The following LPIN1 variants were observed in gnomAD, a reference collection of about 807,000 sequenced individuals.
The protein encoded by LPIN1 is phosphatidate phosphatase LPIN1.
A neutral mutation model predicts 107.5 loss-of-function variants in LPIN1; 71 were observed. That is an observed-to-expected ratio of 0.66 (90% CI 0.55 to 0.80). The LOEUF (loss-of-function observed/expected upper bound fraction) is 0.80, where lower values mean the gene tolerates loss of function less well. Ranked by LOEUF, LPIN1 falls within the 30% of genes least tolerant of loss-of-function variation. LPIN1 has a pLI of 0.00. For missense variants in LPIN1, 1,043 were observed against 1,160.6 expected (o/e 0.90, Z 1.47); for synonymous variants, 445 against 452.6 (o/e 0.98, Z 0.21).
At chr2:11,689,734 T>A (rs1662179086) in intron 1 of LPIN1, among the ~76,000 whole-genome samples, 1 of 152,090 alleles carries the variant, frequency 6.6e-6, no homozygotes, top group South Asian at 2.1e-4. Flanking sequence ...CGAAACCCCA[T>A]CTCTACTAAA....
At position 11,767,776 on chromosome 2, in the gene LPIN1, T is replaced by G; in HGVS notation, c.206T>G (p.Ile69Ser). 6.2e-7 allele frequency: 1 copy of G among 1,609,732 alleles called. No homozygotes were observed. The highest frequency in any genetic ancestry group is 1.1e-5 in the South Asian group (1 of 90,998). Residue 69 changes from isoleucine (I) to serine (S), a missense_variant, in exon 3 of 21, where the codon ATC becomes AGC. Transcript: ENST00000674199. ...RSREKVVDIE[I>S]NGESVDLHMK... The stretch of plus-strand genomic sequence containing the variant: ...TTTTCCCTTCAGGTTGACATAGAAA[T>G]CAATGGGGAATCTGTGGATTTGCAT...
intron 9 of LPIN1, 145 bp from the exon 10 acceptor site, chr2:11,784,741 G>C (rs929553123): frequency 3.8e-6 from 3 of 791,816 alleles, no homozygotes; most frequent in Non-Finnish European, 6.8e-6. Flanking sequence ...TTTCCTTGTC[G>C]TGGTGCTTTA....
intron 1 of LPIN1, among the ~76,000 whole-genome samples, chr2:11,700,358 T>G (rs1247003489): frequency 1.3e-5 from 2 of 152,172 alleles, no homozygotes; most frequent in East Asian, 3.8e-4. Context: ...CCTTCTGGGG[T>G]GAGCTGTGTA....
At chr2:11,686,607 T>C (rs1226869584) in intron 1 of LPIN1, among the ~76,000 whole-genome samples, 3 of 152,042 alleles carry the variant, frequency 2.0e-5, no homozygotes, top group African/African-American at 4.8e-5. Context: ...TGGGTAGCCA[T>C]GGCCTGGGCA....
intron 14 of LPIN1, among the ~76,000 whole-genome samples, chr2:11,797,885 G>T (rs946055597): frequency 6.6e-6 from 1 of 152,196 alleles, no homozygotes; most frequent in Non-Finnish European, 1.5e-5. Flanking sequence ...GGGGCAGAAT[G>T]ATATGCTTTG....
chr2:11,678,577 G>A (rs75085202), intron 1 of LPIN1, among the ~76,000 whole-genome samples: 29,323 of 152,114 alleles, frequency 0.19, 3,074 homozygotes, highest in East Asian at 0.38. Context: ...ATCCTAGGGG[G>A]ATAGAGTGGC....
intron 12 of LPIN1, 117 bp from the exon 13 acceptor site, chr2:11,791,797 T>G (rs1558240980): frequency 6.6e-7 from 1 of 1,513,538 alleles, no homozygotes; most frequent in East Asian, 2.6e-5. Flanking sequence ...TATGTTGTGT[T>G]TTCTCTGATT....
At chr2:11,751,634 C>T (rs1311582017) in intron 1 of LPIN1, among the ~76,000 whole-genome samples, 1 of 152,154 alleles carries the variant, frequency 6.6e-6, no homozygotes. Flanking sequence ...GGGTGGATTA[C>T]GAGGTCAGGA....
At chr2:11,744,216 C>G (rs1214572491), upstream of LPIN1, among the ~76,000 whole-genome samples, 1 of 152,220 alleles carries the variant, frequency 6.6e-6, no homozygotes, top group Non-Finnish European at 1.5e-5. Flanking sequence ...CCGAGTGCAG[C>G]TAGGTCCTGG....
chr2:11,791,053 C>T (rs1293873347), intron 12 of LPIN1, among the ~76,000 whole-genome samples: 1 of 152,066 alleles, frequency 6.6e-6, no homozygotes, highest in African/African-American at 2.4e-5. Context: ...ACAGCTTTGT[C>T]AATTGTCCTA....
Position 11,824,981 on chromosome 2 carries a change from G to A in LPIN1, c.*190G>A. On this transcript the variant is annotated 3_prime_UTR_variant, in exon 21 of 21. Transcript: ENST00000674199. ...TGACATTTCTAAGCAAGATAGGAAG[G>A]GAGCACTTTCTAGGCTAGGAGTTGG... 1 of 646,492 alleles carries A rather than the reference G, an allele frequency of 1.5e-6. No homozygotes were observed. The highest frequency in any genetic ancestry group is 1.9e-5 in the South Asian group (1 of 52,404). The allele number at this position is 646,492 out of a possible 1,614,324, so 40.0% of individuals were successfully genotyped here. A position where few individuals can be genotyped will look rare whatever the true frequency, so the allele number is the denominator to read the frequency against.
chr2:11,764,006 T>C (rs1670306861), intron 1 of LPIN1, among the ~76,000 whole-genome samples: 1 of 146,814 alleles, frequency 6.8e-6, no homozygotes, highest in African/African-American at 2.5e-5. Flanking sequence ...TATATATATA[T>C]TTGGAGATAG....
chr2:11,698,328 A>G (rs1662691560), intron 1 of LPIN1, among the ~76,000 whole-genome samples: 2 of 152,188 alleles, frequency 1.3e-5, no homozygotes, highest in African/African-American at 4.8e-5. Context: ...CTTGAAGTCA[A>G]GGGGCTGTGT....
intron 1 of LPIN1, among the ~76,000 whole-genome samples, chr2:11,761,732 G>A (rs1012906140): frequency 8.5e-5 from 13 of 152,144 alleles, no homozygotes; most frequent in African/African-American, 3.1e-4. Flanking sequence ...ATTTCATAGG[G>A]GTTGAGGTAA....
At chr2:11,792,793 G>A (rs1676004275) in intron 13 of LPIN1, among the ~76,000 whole-genome samples, 2 of 152,176 alleles carry the variant, frequency 1.3e-5, no homozygotes, top group African/African-American at 2.4e-5. Context: ...ATGTCTATGA[G>A]TGCCTGTGAT....
intron 1 of LPIN1, among the ~76,000 whole-genome samples, chr2:11,728,708 G>GTT (rs61415061): frequency 6.6e-6 from 1 of 151,488 alleles, no homozygotes; most frequent in African/African-American, 2.4e-5. Context: ...TCTGTTCTTT[G>GTT]TTTTTTTTCT....
rs933844409 is a variant in LPIN1, at chr2:11,774,164, G to C, written c.722+419G>C. Among the ~76,000 whole-genome samples, 1 of 152,144 alleles carries C rather than the reference G, an allele frequency of 6.6e-6. No homozygotes were observed. The highest frequency in any genetic ancestry group is 1.5e-5 in the Non-Finnish European group (1 of 68,030). On this transcript the variant is annotated intron_variant, in intron 5 of 20. Coordinates refer to ENST00000674199, the MANE Select transcript of LPIN1 (RefSeq NM_001349206.2). The surrounding 1 kb of genome is among the most constrained non-coding windows in gnomAD (Gnocchi z 4.4). ...TCCGCCACACTTAATCCATTCTGCC[G>C]AATTCAAGAATATTTATTTCCCTGA...
intron 1 of LPIN1, among the ~76,000 whole-genome samples, chr2:11,701,890 G>A (rs887816315): frequency 2.6e-5 from 4 of 152,158 alleles, no homozygotes; most frequent in Non-Finnish European, 5.9e-5. Context: ...GGTTTGGTCC[G>A]TGCTTGTGCT....
chr2:11,711,368 C>A (rs532419641), intron 1 of LPIN1, among the ~76,000 whole-genome samples: 1 of 152,140 alleles, frequency 6.6e-6, no homozygotes, highest in East Asian at 1.9e-4. Flanking sequence ...TATTAAGCAA[C>A]GTATAGATGA....
Sources: gnomAD v4.1 joint callset for allele counts (sites outside exome capture counted in the v4.1 genomes callset) on GRCh38, gnomAD v4.1.1 for gene constraint, Gnocchi (gnomAD v3.1) non-coding constraint, MANE v1.5 for transcripts, NCBI Gene and HGNC (gene_info 2026-07-23, HGNC 2026-07-21) for gene names.